Variants in GRIA4 observed in about 807,000 individuals in gnomAD.
GRIA4 encodes glutamate receptor 4.
GRIA4 carries 34 observed loss-of-function variants against 104.0 expected under a neutral mutation model. The observed-to-expected ratio is 0.33, with a 90% CI of 0.25 to 0.44. The LOEUF is 0.44. GRIA4 is among the 20% of genes least tolerant of loss of function. The pLI, the probability that GRIA4 is intolerant of heterozygous loss-of-function variation, is 1.00. For synonymous variants in GRIA4, 386 were observed against 381.9 expected, an observed-to-expected ratio of 1.01 and a Z score of -0.13; for missense variants, 750 against 1,096.5, an observed-to-expected ratio of 0.68 and a Z score of 4.46.
chr11:105,901,934 T>C (rs1268439102), intron 7 of GRIA4, among the ~76,000 whole-genome samples: 1 of 152,206 alleles, frequency 6.6e-6, no homozygotes, highest in African/African-American at 2.4e-5. Flanking sequence ...TTATTTCTCG[T>C]TTTTATTTTC....
intron 4 of GRIA4, among the ~76,000 whole-genome samples, chr11:105,830,326 A>T (rs1943928875): frequency 6.6e-6 from 1 of 152,028 alleles, no homozygotes; most frequent in African/African-American, 2.4e-5. Flanking sequence ...GATATGAACT[A>T]AAATAGTGAA....
chr11:105,812,105 G>T (rs558924886), intron 4 of GRIA4, among the ~76,000 whole-genome samples: 2 of 152,306 alleles, frequency 1.3e-5, no homozygotes, highest in South Asian at 4.1e-4. Flanking sequence ...TCAATACCTC[G>T]CATCTTGCCA....
chr11:105,682,766 C>A (rs115069925), intron 3 of GRIA4, among the ~76,000 whole-genome samples: 1 of 152,136 alleles, frequency 6.6e-6, no homozygotes, highest in East Asian at 1.9e-4. Flanking sequence ...GAGCAGAACT[C>A]GGAACCCCAA....
intron 4 of GRIA4, among the ~76,000 whole-genome samples, chr11:105,770,763 G>T (rs565493597): frequency 4.9e-4 from 75 of 152,074 alleles, no homozygotes; most frequent in Non-Finnish European, 8.4e-4. Flanking sequence ...ACAAATATCA[G>T]CTGGACTTTC....
rs771575720 is a variant in GRIA4, at chr11:105,924,380, T to C, written c.1477-19T>C. 6.5e-7 allele frequency: 1 copy of C among 1,549,102 alleles called. No homozygotes were observed. The highest frequency in any genetic ancestry group is 8.8e-7 in the Non-Finnish European group (1 of 1,141,092). On this transcript the variant is annotated intron_variant, in intron 11 of 16. Coordinates refer to ENST00000282499, the MANE Select transcript of GRIA4 (RefSeq NM_000829.4). Reference sequence around the variant, plus strand: ...AAATTCATTAACCTATGTGTCTCCATGTGTTTTTTCTCTTATAGAAAGCAG... The same window carrying C: ...AAATTCATTAACCTATGTGTCTCCACGTGTTTTTTCTCTTATAGAAAGCAG...
At chr11:105,948,609 T>C (rs1227058914) in intron 14 of GRIA4, among the ~76,000 whole-genome samples, 13 of 142,534 alleles carry the variant, frequency 9.1e-5, no homozygotes, top group Admixed American at 4.2e-4. Context: ...TTTTTTTTTT[T>C]TTTTTTGAGA....
At chr11:105,794,783 T>A (rs1474721218) in intron 4 of GRIA4, among the ~76,000 whole-genome samples, 1 of 151,206 alleles carries the variant, frequency 6.6e-6, no homozygotes, top group Non-Finnish European at 1.5e-5. Flanking sequence ...GGAAAAAAAA[T>A]TACATCTTAA....
intron 3 of GRIA4, among the ~76,000 whole-genome samples, chr11:105,669,286 C>A (rs1478108792): frequency 1.3e-5 from 2 of 151,974 alleles, no homozygotes; most frequent in African/African-American, 4.8e-5. Flanking sequence ...AATCTCTCCA[C>A]ACCACAGTTA....
chr11:105,684,140 C>T (rs1259601946), intron 3 of GRIA4, among the ~76,000 whole-genome samples: 1 of 152,114 alleles, frequency 6.6e-6, no homozygotes, highest in African/African-American at 2.4e-5. Flanking sequence ...TCCCAAAGTG[C>T]TGGGATTACA....
chr11:105,912,754 C>T (rs1947293168), intron 10 of GRIA4: 1 of 975,000 alleles, frequency 1.0e-6, no homozygotes, highest in African/African-American at 1.8e-5. Context: ...GAAAGTGTTC[C>T]TTCAATTTGC....
intron 6 of GRIA4, among the ~76,000 whole-genome samples, chr11:105,890,673 A>G (rs1565319588): frequency 6.6e-6 from 1 of 152,188 alleles, no homozygotes; most frequent in East Asian, 1.9e-4. Flanking sequence ...CCTTTCCCTT[A>G]ATACTCAAGC....
At chr11:105,801,747 G>T (rs1445202889) in intron 4 of GRIA4, among the ~76,000 whole-genome samples, 3 of 152,022 alleles carry the variant, frequency 2.0e-5, no homozygotes, top group African/African-American at 7.2e-5. Context: ...CTAAAAATAA[G>T]ACAGGATTTT....
At chr11:105,697,501 T>C (rs1380306864) in intron 3 of GRIA4, among the ~76,000 whole-genome samples, 1 of 152,174 alleles carries the variant, frequency 6.6e-6, no homozygotes, top group Admixed American at 6.6e-5. Flanking sequence ...GCATGTGCTT[T>C]AGAAGAGAAG....
chr11:105,868,852 T>A (rs191066951), intron 5 of GRIA4, among the ~76,000 whole-genome samples: 3 of 152,238 alleles, frequency 2.0e-5, no homozygotes, highest in Admixed American at 1.3e-4. Context: ...CATATTGAGC[T>A]TTGCTCAATC....
intron 4 of GRIA4, among the ~76,000 whole-genome samples, chr11:105,810,538 A>G (rs549316718): frequency 1.3e-5 from 2 of 152,242 alleles, no homozygotes; most frequent in East Asian, 1.9e-4. Context: ...TGGAGGCATC[A>G]GTCCTCAAGA....
At position 105,924,678 on chromosome 11, in the gene GRIA4, A is replaced by G. The variant is rs138325179; in HGVS notation, c.1756A>G (p.Ser586Gly). 1 of 1,612,986 alleles carries G rather than the reference A, an allele frequency of 6.2e-7. No homozygotes were observed. Among genetic ancestry groups the G allele is most frequent in the Non-Finnish European group, 8.5e-7 (1 of 1,179,292 alleles). Residue 586 changes from serine (S) to glycine (G), a missense_variant, in exon 12 of 17, where the codon AGC (serine) becomes GGC (glycine). Physicochemically the swap from Ser to Gly is moderately conservative, Grantham distance 56. Around this residue, in one of 3 missense-constraint regions of GRIA4, gnomAD observed 272 missense variants for 524.5 expected, o/e 0.52. Coordinates refer to ENST00000282499, the MANE Select transcript of GRIA4 (RefSeq NM_000829.4). ...GCCAGAGGACGGAAAGGAAGGACCC[A>G]GCGACCAGCCTCCCAATGAGTTTGG... ...EEPEDGKEGP[S>G]DQPPNEFGIF...
chr11:105,894,798 T>TCCCACCAAAAAATAAACAAAACAC (rs1591410229), intron 6 of GRIA4, among the ~76,000 whole-genome samples: 3 of 138,678 alleles, frequency 2.2e-5, no homozygotes, highest in Admixed American at 7.4e-5. Context: ...CATATTTTTT[T>TCCCACCAAAAAATAAACAAAACAC]TTTTTTTTTT....
chr11:105,835,751 T>C (rs570645130), intron 4 of GRIA4, among the ~76,000 whole-genome samples: 1 of 152,124 alleles, frequency 6.6e-6, no homozygotes, highest in Admixed American at 6.5e-5. Context: ...CAGAGAAACC[T>C]CTGGTGATAG....
At chr11:105,660,589 A>G (rs1951978878) in intron 3 of GRIA4, among the ~76,000 whole-genome samples, 1 of 151,660 alleles carries the variant, frequency 6.6e-6, no homozygotes, top group South Asian at 2.1e-4. Context: ...GGAGAACAAT[A>G]AGATGAAGTC....
Sources: allele counts gnomAD v4.1 joint callset (sites outside exome capture counted in the v4.1 genomes callset), GRCh38; gene constraint gnomAD v4.1.1; regional missense constraint gnomAD v4.1.1; transcripts MANE v1.5; gene names NCBI Gene and HGNC (gene_info 2026-07-23, HGNC 2026-07-21).